Variants in ITIH2 observed in about 807,000 individuals in gnomAD.
The protein encoded by ITIH2 is inter-alpha-trypsin inhibitor heavy chain H2.
ITIH2 carries 103 observed loss-of-function variants against 104.4 expected under a neutral mutation model. That is an observed-to-expected ratio of 0.99 (90% CI 0.84 to 1.16). ITIH2 has a LOEUF of 1.16. Among genes scored for constraint, ITIH2 ranks in the 50% most tolerant of loss-of-function variants. The pLI, the probability that ITIH2 is intolerant of heterozygous loss-of-function variation, is 0.00. For synonymous variants in ITIH2, 436 were observed against 435.4 expected, an observed-to-expected ratio of 1.00 and a Z score of -0.02; for missense variants, 1,108 against 1,162.4, an observed-to-expected ratio of 0.95 and a Z score of 0.68.
rs149961265 is a variant in ITIH2, at chr10:7,714,968, C to T, written c.467+1683C>T. Among the ~76,000 whole-genome samples the T allele has an allele frequency of 1.7e-3, 253 of 152,188 alleles. 2 individuals carry two copies. The highest frequency in any genetic ancestry group is 6.0e-4 in the Non-Finnish European group (41 of 68,018). On this transcript the variant is annotated intron_variant, in intron 5 of 20. Transcript: ENST00000358415. ...TTTATAACAGTGACTTGGGCATCGC[C>T]GGATTTTGGTATACTTGGGGAATCC...
intron 9 of ITIH2, among the ~76,000 whole-genome samples, chr10:7,726,582 G>C (rs1834952990): frequency 6.6e-6 from 1 of 152,130 alleles, no homozygotes; most frequent in Non-Finnish European, 1.5e-5. Context: ...GGGTGATGGT[G>C]GTGGTTTAAA....
At chr10:7,715,573 T>G (rs1003584603) in intron 5 of ITIH2, among the ~76,000 whole-genome samples, 5 of 152,168 alleles carry the variant, frequency 3.3e-5, no homozygotes, top group Non-Finnish European at 7.4e-5. Context: ...CCCATCCTAG[T>G]GCACCCTCAG....
intron 11 of ITIH2, 193 bp from the exon 12 acceptor site, chr10:7,729,759 G>A (rs1834984188): frequency 6.4e-6 from 3 of 467,624 alleles, no homozygotes; most frequent in African/African-American, 2.0e-5. Context: ...ATGTTGCTAT[G>A]CAACACAACC....
chr10:7,718,414 G>C (rs369879845), intron 6 of ITIH2, among the ~76,000 whole-genome samples: 24 of 152,166 alleles, frequency 1.6e-4, no homozygotes, highest in East Asian at 3.9e-4. Flanking sequence ...GCATCTTTAG[G>C]GGGGGAGGCC....
At position 7,737,717 on chromosome 10, in the gene ITIH2, C is replaced by A. The variant is rs1189746200; in HGVS notation, c.1958-904C>A. 1.9e-4 allele frequency among the ~76,000 whole-genome samples: 8 copies of A among 42,220 alleles called. 1 individual carries two copies. Among genetic ancestry groups the A allele is most frequent in the Non-Finnish European group, 2.9e-4 (8 of 27,244 alleles). 27.7% of individuals were successfully genotyped at this position (42,220 alleles called of 152,430 possible). ...TCTATATAATATTCTATATTATATTCTATATAATATTCTATATTATATTCT... is the reference window on the plus strand; with the variant it reads ...TCTATATAATATTCTATATTATATTATATATAATATTCTATATTATATTCT... On this transcript the variant is annotated intron_variant, in intron 15 of 20. Transcript: ENST00000358415.
At chr10:7,718,419 G>C (rs1834871549) in intron 6 of ITIH2, among the ~76,000 whole-genome samples, 2 of 152,128 alleles carry the variant, frequency 1.3e-5, no homozygotes, top group South Asian at 4.1e-4. Flanking sequence ...TTTAGGGGGG[G>C]AGGCCACCAT....
intron 14 of ITIH2, among the ~76,000 whole-genome samples, chr10:7,734,609 C>G (rs567422064): frequency 1.3e-5 from 2 of 152,298 alleles, no homozygotes; most frequent in South Asian, 4.1e-4. Flanking sequence ...GGAGGAGGAT[C>G]TCTTGAGCCC....
chr10:7,728,668 T>C (rs778385470), intron 11 of ITIH2, among the ~76,000 whole-genome samples: 6 of 152,148 alleles, frequency 3.9e-5, no homozygotes, highest in African/African-American at 1.4e-4. Context: ...AATGTTGAGA[T>C]TACAGGTGTG....
intron 12 of ITIH2, 101 bp from the exon 13 acceptor site, chr10:7,731,710 G>A (rs548384680): frequency 1.5e-5 from 13 of 863,362 alleles, no homozygotes; most frequent in Middle Eastern, 3.6e-4. Flanking sequence ...GGGCAACAGA[G>A]TGAGACATCG....
At chr10:7,744,716 T>A (rs1835159034) in intron 18 of ITIH2, 75 bp from the exon 19 acceptor site, 1 of 1,260,768 alleles carries the variant, frequency 7.9e-7, no homozygotes, top group Admixed American at 2.3e-5. Context: ...AGAGTTCATA[T>A]TAGGGGTGAG....
intron 5 of ITIH2, among the ~76,000 whole-genome samples, chr10:7,716,120 G>T (rs1378364758): frequency 2.0e-5 from 3 of 152,084 alleles, no homozygotes; most frequent in Non-Finnish European, 4.4e-5. Flanking sequence ...GAGTAGCTAG[G>T]ATTACAGGCA....
chr10:7,719,440 A>G (rs892195462), intron 6 of ITIH2, among the ~76,000 whole-genome samples: 3 of 152,196 alleles, frequency 2.0e-5, no homozygotes, highest in East Asian at 1.9e-4. Context: ...CTCTTCCTCA[A>G]TGCCATGAAT....
At chr10:7,735,669 CTTTTCTTTT>C (rs1835048244) in intron 15 of ITIH2, among the ~76,000 whole-genome samples, 1 of 144,008 alleles carries the variant, frequency 6.9e-6, no homozygotes, top group Non-Finnish European at 1.5e-5. Flanking sequence ...CTTTTCTTTT[CTTTTCTTTT>C]TTTTTTTTTT....
In ITIH2 at chr10:7,727,038, G is replaced by A. The variant is rs771294645; in HGVS notation, c.1073G>A (p.Trp358Ter). The change falls in exon 10 of 21, where the codon TGG becomes TAG. Residue 358 changes from tryptophan to a stop codon, truncating the protein, a stop_gained. Coordinates refer to ENST00000358415, the MANE Select transcript of ITIH2 (RefSeq NM_002216.3). LOFTEE classifies it high-confidence loss of function. ...VIDFNQNIRTWRNDLISATKT... is the reference protein window; with the variant it reads ...VIDFNQNIRT ...GATTTCAACCAGAACATTCGAACTT[G>A]GAGAAATGATTTAATTTCAGCTACA... 6.2e-7 allele frequency: 1 copy of A among 1,614,058 alleles called. No homozygotes were observed. Among genetic ancestry groups the A allele is most frequent in the South Asian group, 1.1e-5 (1 of 91,076 alleles).
chr10:7,704,762 G>A (rs577059640), intron 1 of ITIH2, among the ~76,000 whole-genome samples: 34 of 152,284 alleles, frequency 2.2e-4, no homozygotes, highest in African/African-American at 7.7e-4. Context: ...AATACCAACA[G>A]CTATCTCTTT....
At chr10:7,725,964 T>C (rs1834948183) in intron 9 of ITIH2, among the ~76,000 whole-genome samples, 1 of 152,006 alleles carries the variant, frequency 6.6e-6, no homozygotes, top group Admixed American at 6.6e-5. Context: ...CAAGAGAGAA[T>C]GAGGCCCTGG....
rs186587138 is a variant in ITIH2, at chr10:7,748,504, G to T, written c.2694-683G>T. 5.6e-5 allele frequency among the ~76,000 whole-genome samples: 7 copies of T among 125,512 alleles called. No homozygotes were observed. The East Asian group carries it at 1.5e-3, about 27-fold the overall frequency. The allele number at this position is 125,512 out of a possible 152,430, so 82.3% of individuals were successfully genotyped here. On this transcript the variant is annotated intron_variant, in intron 20 of 20. Coordinates refer to ENST00000358415, the MANE Select transcript of ITIH2 (RefSeq NM_002216.3). ...AAACACAGAGAAAGTGCAGTTAAGA[G>T]GTGCCGCCAATGCATTCTTTTTTTT...
At chr10:7,712,767 C>T (rs1297320782) in intron 4 of ITIH2, among the ~76,000 whole-genome samples, 1 of 152,136 alleles carries the variant, frequency 6.6e-6, no homozygotes, top group Non-Finnish European at 1.5e-5. Flanking sequence ...ATGATCATTG[C>T]CCTCATTCAT....
chr10:7,748,550 TTTTTTTTTA>T, intron 20 of ITIH2, among the ~76,000 whole-genome samples: 2 of 111,802 alleles, frequency 1.8e-5, no homozygotes, highest in Non-Finnish European at 3.7e-5. Context: ...TTTTTTTTTT[TTTTTTTTTA>T]GTGACAGAGT....
Sources: allele counts gnomAD v4.1 joint callset (sites outside exome capture counted in the v4.1 genomes callset), GRCh38; gene constraint gnomAD v4.1.1; transcripts MANE v1.5; gene names NCBI Gene and HGNC (gene_info 2026-07-23, HGNC 2026-07-21).